Variants in HMCN2 observed in about 807,000 individuals in gnomAD.
The protein encoded by HMCN2 is hemicentin 2, also known as hemicentin-2.
A neutral mutation model predicts 377.5 loss-of-function variants in HMCN2; 325 were observed. The ratio of observed to expected loss-of-function variants is 0.86; its 90% confidence interval spans 0.79 to 0.94. HMCN2 has a LOEUF of 0.94. HMCN2 is among the 40% of genes least tolerant of loss of function. The probability of loss-of-function intolerance (pLI) is 0.00; values close to 1 mark genes in which losing one functional copy is unlikely to be tolerated. For missense variants in HMCN2, 4,543 were observed against 4,725.3 expected (o/e 0.96, Z 1.13); for synonymous variants, 2,007 against 2,046.8 (o/e 0.98, Z 0.53).
At chr9:130,366,960 G>C (rs1840724573) in intron 43 of HMCN2, among the ~76,000 whole-genome samples, 1 of 152,186 alleles carries the variant, frequency 6.6e-6, no homozygotes, top group Non-Finnish European at 1.5e-5. Flanking sequence ...GGGGTTGTAG[G>C]ATTTGCAGTT....
chr9:130,373,111 G>T lies in HMCN2; in HGVS notation c.7425G>T (p.Met2475Ile). ...KVLDGQTAHL[M>I]CNVTGHPQPK... ...TTGATGGACAGACTGCCCATCTTAT[G>T]TGCAACGTCACAGGTAAGGGCCACA... Residue 2475 changes from methionine (M) to isoleucine (I), a missense_variant, in exon 48 of 98, where the codon ATG becomes ATT. By Grantham distance (10) the Met-to-Ile change is conservative (BLOSUM62 1). Transcript: ENST00000683500. 1.0e-6 allele frequency: 1 copy of T among 981,524 alleles called. No homozygotes were observed. Among genetic ancestry groups the T allele is most frequent in the Non-Finnish European group, 1.2e-6 (1 of 827,816 alleles). 60.8% of individuals were successfully genotyped at this position (981,524 alleles called of 1,614,324 possible).
Position 130,325,841 on chromosome 9 carries a change from C to T in HMCN2, c.3064C>T (p.His1022Tyr), listed in dbSNP as rs969585734. ...ETNALTSRGP[H>Y]YNVSKEGTLL... ...CAATGCCCTGACCTCCAGAGGTCCC[C>T]ACTACAATGTGAGTAAGGAGGGCAC... Residue 1022 changes from histidine (H) to tyrosine (Y), a missense_variant, in exon 21 of 98, where the codon CAC (histidine) becomes TAC (tyrosine). This residue lies in a region of HMCN2 where 547 missense variants were observed against 189.9 expected (regional missense o/e 2.88). Transcript: ENST00000683500. 2 of 152,472 alleles carry T rather than the reference C, an allele frequency of 1.3e-5. No individual in the cohort carries two copies. The highest frequency in any genetic ancestry group is 4.8e-5 in the African/African-American group (2 of 41,594). The allele number at this position is 152,472 out of a possible 1,614,324, so 9.4% of individuals were successfully genotyped here. A position where few individuals can be genotyped will look rare whatever the true frequency, so the allele number is the denominator to read the frequency against.
rs7032910 is a variant in HMCN2 at position 130,428,884 on chromosome 9, G to A, written c.14197+395G>A. The stretch of plus-strand genomic sequence containing the variant: ...TGACGCAGCAGCCCCTGCAGCCACA[G>A]TGGAACAGGTTCAGTCAGCCTTTGA... On this transcript the variant is annotated intron_variant, in intron 93 of 97. Coordinates refer to ENST00000683500, the MANE Select transcript of HMCN2 (RefSeq NM_001291815.2). This position sits in a 1 kb window ranked among gnomAD's most constrained non-coding sequence, Gnocchi z 5.0. Among the ~76,000 whole-genome samples, 44,550 of 152,160 alleles carry A rather than the reference G, an allele frequency of 0.29. 9,261 individuals carry two copies. Among genetic ancestry groups the A allele is most frequent in the African/African-American group, 0.58 (24,063 of 41,476 alleles).
rs1345116478 is a variant in HMCN2, at chr9:130,304,226, C to T, written c.1544-504C>T. On this transcript the variant is annotated intron_variant, in intron 10 of 97. Coordinates refer to ENST00000683500, the MANE Select transcript of HMCN2 (RefSeq NM_001291815.2). This position sits in a 1 kb window ranked among gnomAD's most constrained non-coding sequence, Gnocchi z 4.3. Reference sequence around the variant, plus strand: ...TCCCTTTTAGGTTTTTTTCTATGTTCAGCAGTCTCTGATCTTGCCACTTCT... The same window carrying T: ...TCCCTTTTAGGTTTTTTTCTATGTTTAGCAGTCTCTGATCTTGCCACTTCT... Among the ~76,000 whole-genome samples the T allele has an allele frequency of 2.6e-5, 4 of 152,138 alleles. No homozygotes were observed. The highest frequency in any genetic ancestry group is 5.9e-5 in the Non-Finnish European group (4 of 68,016).
At chr9:130,427,136 T>A (rs766132577) in intron 90 of HMCN2, among the ~76,000 whole-genome samples, 177 bp from the exon 91 acceptor site, 34 of 152,324 alleles carry the variant, frequency 2.2e-4, no homozygotes, top group Non-Finnish European at 3.4e-4. Context: ...GGGCGTGCCC[T>A]GCAGTCATCG....
intron 86 of HMCN2, 53 bp downstream of exon 86, chr9:130,419,094 G>T (rs975123225): frequency 7.0e-7 from 1 of 1,437,842 alleles, no homozygotes; most frequent in Non-Finnish European, 9.2e-7. Context: ...ATCTCTTGCC[G>T]ATGGGGATTG....
chr9:130,268,053 G>A (rs1053940295), intron 1 of HMCN2, among the ~76,000 whole-genome samples: 1 of 152,194 alleles, frequency 6.6e-6, no homozygotes, highest in Non-Finnish European at 1.5e-5. Flanking sequence ...CTGCCAGGGT[G>A]GCGTCATTCC....
chr9:130,356,103 C>G lies in HMCN2; in HGVS notation c.5271C>G (p.Gly1757=). ...PVPTIQWLQN[G]RPAEELAGVQ... is the part of the protein sequence containing the mutation. ...CTCACCTTAGGTGGCTGCAGAATGG[C>G]CGCCCAGCCGAGGAGCTGGCTGGGG... The change falls in exon 34 of 98, where the codon GGC becomes GGG. Residue 1757 remains glycine (G), a synonymous_variant. Transcript: ENST00000683500. The G allele has an allele frequency of 7.8e-7, 1 of 1,289,920 alleles. No individual in the cohort carries two copies. Among genetic ancestry groups the G allele is most frequent in the Non-Finnish European group, 1.0e-6 (1 of 984,522 alleles). The allele number at this position is 1,289,920 out of a possible 1,614,324, so 79.9% of individuals were successfully genotyped here.
chr9:130,307,874 A>C (rs2131356821), intron 14 of HMCN2, among the ~76,000 whole-genome samples: 1 of 152,330 alleles, frequency 6.6e-6, no homozygotes, highest in Non-Finnish European at 1.5e-5. Flanking sequence ...CCTTATCTGG[A>C]AAATCAAAGA....
At chr9:130,431,642 A>G (rs1844765944) in intron 96 of HMCN2, among the ~76,000 whole-genome samples, 156 bp downstream of exon 96, 1 of 152,184 alleles carries the variant, frequency 6.6e-6, no homozygotes, top group Non-Finnish European at 1.5e-5. Flanking sequence ...GGGTTCTGTG[A>G]ACACCCCAGG....
At chr9:130,337,704 C>T (rs1358937331) in intron 22 of HMCN2, among the ~76,000 whole-genome samples, 190 bp from the exon 23 acceptor site, 6 of 146,220 alleles carry the variant, frequency 4.1e-5, no homozygotes, top group Non-Finnish European at 8.9e-5. Flanking sequence ...TCTCTTACAC[C>T]AGTAGGCGTG....
chr9:130,331,327 C>T (rs912450111), intron 22 of HMCN2, among the ~76,000 whole-genome samples: 6 of 152,122 alleles, frequency 3.9e-5, no homozygotes, highest in African/African-American at 1.2e-4. Flanking sequence ...CGGTTCCTTG[C>T]GGGACGGTCC....
At chr9:130,294,675 C>T (rs1836013518) in intron 4 of HMCN2, among the ~76,000 whole-genome samples, 180 bp from the exon 5 acceptor site, 1 of 152,192 alleles carries the variant, frequency 6.6e-6, no homozygotes. Flanking sequence ...ATTCAGGCTT[C>T]ACAGCTTGGA....
intron 29 of HMCN2, 22 bp downstream of exon 29, chr9:130,349,685 G>T: frequency 7.7e-7 from 1 of 1,298,990 alleles, no homozygotes; most frequent in Non-Finnish European, 1.0e-6. Context: ...CCTCCCCGAG[G>T]ATGGCGTGTG....
chr9:130,404,797 G>A, intron 80 of HMCN2, 72 bp from the exon 81 acceptor site: 1 of 1,100,114 alleles, frequency 9.1e-7, no homozygotes, highest in South Asian at 1.7e-5. Context: ...TGGGCCAAAG[G>A]CCAAGGGCCC....
rs923061561 is a variant in HMCN2 at position 130,393,295 on chromosome 9, C to G, written c.10220C>G (p.Thr3407Ser). The change falls in exon 67 of 98, where the codon ACC (threonine) becomes AGC (serine). Residue 3407 changes from threonine (T) to serine (S), a missense_variant. Transcript: ENST00000683500. The surrounding 1 kb of genome is among the most constrained non-coding windows in gnomAD (Gnocchi z 5.2). ...SPAGVADRNF[T>S]LQVQVPPVLE... ...GCTGGCGTGGCGGACAGGAACTTCA[C>G]CTTGCAGGTGCAGGGTATGGAGCAG... 40 of 988,470 alleles carry G rather than the reference C, an allele frequency of 4.0e-5. No homozygotes were observed. The highest frequency in any genetic ancestry group is 4.5e-5 in the Non-Finnish European group (37 of 830,462). 61.2% of individuals were successfully genotyped at this position (988,470 alleles called of 1,614,324 possible). A position where few individuals can be genotyped will look rare whatever the true frequency, so the allele number is the denominator to read the frequency against.
chr9:130,368,257 T>A lies in HMCN2; in HGVS notation c.6626-19T>A, dbSNP rs576212981. ...TTGCAAATGCCCTGGACCAGGAGTT[T>A]CTTTTTTCCTGCACCCAGGTCAACC... On this transcript the variant is annotated intron_variant, in intron 43 of 97. Transcript: ENST00000683500. The A allele has an allele frequency of 1.0e-6, 1 of 985,624 alleles. No individual in the cohort carries two copies. The highest frequency in any genetic ancestry group is 1.7e-5 in the African/African-American group (1 of 57,348). The allele number at this position is 985,624 out of a possible 1,614,324, so 61.1% of individuals were successfully genotyped here.
Position 130,423,833 on chromosome 9 carries a change from T to A in HMCN2, c.13382-943T>A, listed in dbSNP as rs539256503. Among the ~76,000 whole-genome samples, 1 of 152,338 alleles carries A rather than the reference T, an allele frequency of 6.6e-6. No individual in the cohort carries two copies. The highest frequency in any genetic ancestry group is 6.5e-5 in the Admixed American group (1 of 15,308). On this transcript the variant is annotated intron_variant, in intron 87 of 97. Coordinates refer to ENST00000683500, the MANE Select transcript of HMCN2 (RefSeq NM_001291815.2). This position sits in a 1 kb window ranked among gnomAD's most constrained non-coding sequence, Gnocchi z 5.5. ...CAAACCGGGGCTGGTCCAGAAGGGA[T>A]CTGCAAGTTAGAAAAGTTGGTTCAC...
At chr9:130,291,117 G>A (rs115901817) in intron 4 of HMCN2, among the ~76,000 whole-genome samples, 4 of 152,118 alleles carry the variant, frequency 2.6e-5, no homozygotes, top group Admixed American at 6.5e-5. Context: ...TCCAGGAAGC[G>A]TTTCCCTTAG....
Sources: allele counts gnomAD v4.1 joint callset (sites outside exome capture counted in the v4.1 genomes callset), GRCh38; gene constraint gnomAD v4.1.1; regional missense constraint gnomAD v4.1.1; non-coding constraint Gnocchi (gnomAD v3.1); transcripts MANE v1.5; gene names NCBI Gene and HGNC (gene_info 2026-07-23, HGNC 2026-07-21).